The following GIT1 variants were observed in gnomAD, a reference collection of about 807,000 sequenced individuals.
The protein encoded by GIT1 is ARF GTPase-activating protein GIT1.
In GIT1, 14 loss-of-function variants were observed where a neutral mutation model predicts 91.7. That is an observed-to-expected ratio of 0.15 (90% CI 0.10 to 0.24). The LOEUF (loss-of-function observed/expected upper bound fraction) is 0.24. Among genes scored for constraint, GIT1 ranks in the 10% least tolerant of loss-of-function variants. GIT1 has a pLI of 1.00. For missense variants in GIT1, 717 were observed against 1,024.9 expected (o/e 0.70, Z 4.10); for synonymous variants, 414 against 418.2 (o/e 0.99, Z 0.12).
intron 7 of GIT1, 116 bp from the exon 8 acceptor site, chr17:29,578,895 C>T: frequency 6.3e-7 from 1 of 1,577,704 alleles, no homozygotes; most frequent in South Asian, 1.1e-5. Context: ...ACCCCAGATG[C>T]TGCACACCAA....
intron 7 of GIT1, chr17:29,579,273 T>A: frequency 2.0e-6 from 1 of 499,344 alleles, no homozygotes; most frequent in Non-Finnish European, 3.6e-6. Context: ...GGTTCCTCAA[T>A]CACCTGTTGC....
chr17:29,578,190 C>A (rs1400584688), intron 9 of GIT1, 109 bp downstream of exon 9: 2 of 911,646 alleles, frequency 2.2e-6, no homozygotes, highest in African/African-American at 3.2e-5. Context: ...CTGCAGGCCT[C>A]TGAGCAGCCC....
intron 7 of GIT1, among the ~76,000 whole-genome samples, chr17:29,580,329 T>C (rs2033355721): frequency 6.6e-6 from 1 of 152,160 alleles, no homozygotes; most frequent in South Asian, 2.1e-4. Context: ...AGTAGGAGCC[T>C]TGGGGTCTGG....
At chr17:29,577,828 G>T in intron 9 of GIT1, 86 bp from the exon 10 acceptor site, 1 of 823,096 alleles carries the variant, frequency 1.2e-6, no homozygotes, top group Non-Finnish European at 2.1e-6. Context: ...AGCCTTCCTA[G>T]CTGCCCCCAC....
At chr17:29,583,995 C>G in intron 1 of GIT1, 1 of 246,016 alleles carries the variant, frequency 4.1e-6, no homozygotes, top group Non-Finnish European at 7.9e-6. Flanking sequence ...GGGATGCAAC[C>G]CAGATGCTGC....
In GIT1 at chr17:29,583,045, G is replaced by A. The variant is rs1488499824; in HGVS notation, c.187-8C>T. The A allele has an allele frequency of 2.6e-6, 4 of 1,566,710 alleles. No individual in the cohort carries two copies. The highest frequency in any genetic ancestry group is 3.5e-6 in the Non-Finnish European group (4 of 1,140,660). ...GGCAAGCGTGTGCACCATCTGCAGG[G>A]AAGAGATGCCAAGTGAGAGAGTGCC... On this transcript the variant is annotated splice_polypyrimidine_tract_variant and splice_region_variant and intron_variant, in intron 2 of 19. Coordinates refer to ENST00000225394, the MANE Select transcript of GIT1 (RefSeq NM_014030.4).
At chr17:29,584,554 C>T (rs938879322) in intron 1 of GIT1, among the ~76,000 whole-genome samples, 15 of 152,182 alleles carry the variant, frequency 9.9e-5, no homozygotes, top group Non-Finnish European at 1.9e-4. Flanking sequence ...ACTCAGGCTG[C>T]GGAAAGGTCA....
chr17:29,585,588 A>G (rs556557749), intron 1 of GIT1, among the ~76,000 whole-genome samples: 1 of 152,246 alleles, frequency 6.6e-6, no homozygotes, highest in East Asian at 1.9e-4. Context: ...CTTCTCCTCC[A>G]GGTGACCTGA....
Position 29,576,594 on chromosome 17 carries a change from C to T in GIT1, c.1308G>A (p.Ser436=), listed in dbSNP as rs753696066. The change falls in exon 13 of 20, where the codon TCG becomes TCA. Residue 436 remains serine (S), a synonymous_variant. Transcript: ENST00000225394. ...YLELKKALAT[S]EAKVQQLMKV... ...TCATGAGCTGCTGCACCTTTGCCTC[C>T]GATGTAGCCAGGGCCTTCTTCAGCT... 8.1e-6 allele frequency: 13 copies of T among 1,613,934 alleles called. No individual in the cohort carries two copies. Among genetic ancestry groups the T allele is most frequent in the East Asian group, 4.5e-5 (2 of 44,892 alleles).
At position 29,578,383 on chromosome 17, in the gene GIT1, G is replaced by A. The variant is rs769501007; in HGVS notation, c.811-12C>T. 1.9e-6 allele frequency: 3 copies of A among 1,613,504 alleles called. No homozygotes were observed. The highest frequency in any genetic ancestry group is 2.5e-6 in the Non-Finnish European group (3 of 1,179,446). ...AGCCGGTTGCTGAGCTGGAGGAAGA[G>A]AGGGGCCCAGATGTTGTCAGATGCA... is the stretch of plus-strand genomic sequence containing the variant. On this transcript the variant is annotated splice_polypyrimidine_tract_variant and intron_variant, in intron 8 of 19. Coordinates refer to ENST00000225394, the MANE Select transcript of GIT1 (RefSeq NM_014030.4).
chr17:29,574,701 G>A lies in GIT1; in HGVS notation c.*1C>T, dbSNP rs562174936. The A allele has an allele frequency of 1.7e-5, 27 of 1,610,528 alleles. No homozygotes were observed. The highest frequency in any genetic ancestry group is 4.0e-5 in the African/African-American group (3 of 74,960). On this transcript the variant is annotated 3_prime_UTR_variant, in exon 20 of 20. Coordinates refer to ENST00000225394, the MANE Select transcript of GIT1 (RefSeq NM_014030.4). ...TGCAGGTGAGGGTGTGGGGAGAGAG[G>A]TCACTGCTTCTTCTCTCGGGTGGTG...
chr17:29,583,356 AG>A (rs1275276357), intron 2 of GIT1, 126 bp downstream of exon 2: 16 of 944,964 alleles, frequency 1.7e-5, no homozygotes, highest in Middle Eastern at 2.2e-4. Context: ...CCTCTGCCCT[AG>A]GGGGGTGCTG....
In GIT1 at chr17:29,574,622, G is replaced by A; in HGVS notation, c.*80C>T. 8.6e-7 allele frequency: 1 copy of A among 1,168,872 alleles called. No homozygotes were observed. The highest frequency in any genetic ancestry group is 1.2e-5 in the South Asian group (1 of 80,206). 72.4% of individuals were successfully genotyped at this position (1,168,872 alleles called of 1,614,324 possible). A position where few individuals can be genotyped will look rare whatever the true frequency, so the allele number is the denominator to read the frequency against. ...CACTTGTGCCAGTGGCTCTGTTGGGGTGGGGATTAATGTCTGGAGTGGCCC... is the reference window on the plus strand; with the variant it reads ...CACTTGTGCCAGTGGCTCTGTTGGGATGGGGATTAATGTCTGGAGTGGCCC... On this transcript the variant is annotated 3_prime_UTR_variant, in exon 20 of 20. Transcript: ENST00000225394.
chr17:29,589,255 C>A lies in GIT1; in HGVS notation c.52+72G>T. On this transcript the variant is annotated intron_variant, in intron 1 of 19. Transcript: ENST00000225394. This position sits in a 1 kb window ranked among gnomAD's most constrained non-coding sequence, Gnocchi z 5.2. ...CAGCCCTCCGGCCCCGCACAGCGCT[C>A]TTGCCAGGCCCCGGCGCCCGCCCGG... 1.8e-6 allele frequency: 1 copy of A among 553,886 alleles called. No homozygotes were observed. Among genetic ancestry groups the A allele is most frequent in the South Asian group, 7.5e-5 (1 of 13,308 alleles). The allele number at this position is 553,886 out of a possible 1,614,324, so 34.3% of individuals were successfully genotyped here. A position where few individuals can be genotyped will look rare whatever the true frequency, so the allele number is the denominator to read the frequency against.
At position 29,574,922 on chromosome 17, in the gene GIT1, G is replaced by C. The variant is rs779535073; in HGVS notation, c.2074-8C>G. On this transcript the variant is annotated splice_polypyrimidine_tract_variant and splice_region_variant and intron_variant, in intron 19 of 19. Coordinates refer to ENST00000225394, the MANE Select transcript of GIT1 (RefSeq NM_014030.4). ...TGGCTCCAGGGCTGGCCTCTGGAGGGGGCAGGAGTGAGGCTGGACCTTGGA... is the reference window on the plus strand; with the variant it reads ...TGGCTCCAGGGCTGGCCTCTGGAGGCGGCAGGAGTGAGGCTGGACCTTGGA... 1.3e-6 allele frequency: 2 copies of C among 1,552,044 alleles called. No individual in the cohort carries two copies. Among genetic ancestry groups the C allele is most frequent in the South Asian group, 1.2e-5 (1 of 86,362 alleles).
At position 29,575,871 on chromosome 17, in the gene GIT1, C is replaced by T. The variant is rs1309870186; in HGVS notation, c.1693G>A (p.Val565Met). Residue 565 changes from valine (V) to methionine (M), a missense_variant, in exon 16 of 20, where the codon GTG becomes ATG. Physicochemically the swap from Val to Met is conservative, Grantham distance 21. Coordinates refer to ENST00000225394, the MANE Select transcript of GIT1 (RefSeq NM_014030.4). This position sits in a 1 kb window ranked among gnomAD's most constrained non-coding sequence, Gnocchi z 5.5. ...AGCGGGGAGGAGGGAGTGAAGGGCACAGCTGAGGCAGACACCCCTTTCCGG... is the reference window on the plus strand; with the variant it reads ...AGCGGGGAGGAGGGAGTGAAGGGCATAGCTGAGGCAGACACCCCTTTCCGG... The part of the protein sequence containing the change: ...RIRKGVSASA[V>M]PFTPSSPLLS... The T allele has an allele frequency of 3.1e-6, 5 of 1,610,724 alleles. No homozygotes were observed. Among genetic ancestry groups the T allele is most frequent in the African/African-American group, 1.3e-5 (1 of 74,984 alleles).
intron 1 of GIT1, among the ~76,000 whole-genome samples, chr17:29,588,764 G>C (rs1039707926): frequency 7.9e-5 from 12 of 152,200 alleles, no homozygotes; most frequent in Non-Finnish European, 1.8e-4. Context: ...GCTAGCCTTA[G>C]GAACCCGAGG....
chr17:29,575,544 G>A lies in GIT1; in HGVS notation c.1827-74C>T, dbSNP rs536483025. 15 of 1,557,954 alleles carry A rather than the reference G, an allele frequency of 9.6e-6. No individual in the cohort carries two copies. Among genetic ancestry groups the A allele is most frequent in the African/African-American group, 2.7e-5 (2 of 73,628 alleles). On this transcript the variant is annotated intron_variant, in intron 17 of 19. Coordinates refer to ENST00000225394, the MANE Select transcript of GIT1 (RefSeq NM_014030.4). This position sits in a 1 kb window ranked among gnomAD's most constrained non-coding sequence, Gnocchi z 5.5. The stretch of plus-strand genomic sequence containing the variant: ...ACACGTTCCAGCCTCGGAGCCGCCC[G>A]CCTTGGTCCTCACACACTGGGGGCC...
intron 10 of GIT1, 129 bp from the exon 11 acceptor site, chr17:29,577,376 T>A: frequency 1.3e-6 from 1 of 761,138 alleles, no homozygotes. Context: ...CCAGCCTAGC[T>A]TCACCTGGCT....
Sources: gnomAD v4.1 joint callset for allele counts (sites outside exome capture counted in the v4.1 genomes callset) on GRCh38, gnomAD v4.1.1 for gene constraint, Gnocchi (gnomAD v3.1) non-coding constraint, MANE v1.5 for transcripts, NCBI Gene and HGNC (gene_info 2026-07-23, HGNC 2026-07-21) for gene names.